The following LIN7A variants were observed in gnomAD, a reference collection of about 807,000 sequenced individuals.
LIN7A encodes the protein protein lin-7 homolog A.
LIN7A carries 25 observed loss-of-function variants against 29.8 expected under a neutral mutation model. The ratio of observed to expected loss-of-function variants is 0.84; its 90% CI spans 0.61 to 1.17. LIN7A has a LOEUF of 1.17. LIN7A is among the 50% of genes most tolerant of loss of function. The pLI, the probability that LIN7A is intolerant of heterozygous loss-of-function variation, is 0.00. For missense variants in LIN7A, 239 were observed against 287.0 expected (o/e 0.83, Z 1.21); for synonymous variants, 118 against 107.5 (o/e 1.10, Z -0.60).
At chr12:80,935,835 A>C in intron 1 of LIN7A, 1 of 481,250 alleles carries the variant, frequency 2.1e-6, no homozygotes, top group Admixed American at 2.0e-5. Flanking sequence ...GAACAAGAGC[A>C]AACTTTAAAA....
chr12:80,854,042 C>T (rs539964706), intron 2 of LIN7A, among the ~76,000 whole-genome samples: 2 of 152,234 alleles, frequency 1.3e-5, no homozygotes, highest in Non-Finnish European at 2.9e-5. Context: ...CAAAATGGTA[C>T]AGCTATTTGA....
chr12:80,933,885 T>C (rs1878058881), intron 1 of LIN7A, among the ~76,000 whole-genome samples: 1 of 152,126 alleles, frequency 6.6e-6, no homozygotes, highest in Non-Finnish European at 1.5e-5. Flanking sequence ...CACTTGTAGT[T>C]GTTTATGTGT....
chr12:80,919,136 T>G (rs749502146), intron 1 of LIN7A, among the ~76,000 whole-genome samples: 7 of 152,214 alleles, frequency 4.6e-5, no homozygotes, highest in Non-Finnish European at 8.8e-5. Context: ...CGTTAAGGAA[T>G]GCATGCCGGT....
At chr12:80,902,932 T>C (rs963275775) in intron 1 of LIN7A, among the ~76,000 whole-genome samples, 3 of 151,864 alleles carry the variant, frequency 2.0e-5, no homozygotes, top group African/African-American at 7.2e-5. Flanking sequence ...TGGTGTTATC[T>C]TGTTCCAGTT....
intron 2 of LIN7A, among the ~76,000 whole-genome samples, chr12:80,849,116 G>A (rs1176847552): frequency 6.6e-6 from 1 of 152,098 alleles, no homozygotes; most frequent in Non-Finnish European, 1.5e-5. Context: ...TACTAAAAAG[G>A]CAACAGTGCA....
At chr12:80,889,680 C>T (rs539828478) in intron 1 of LIN7A, among the ~76,000 whole-genome samples, 3 of 152,206 alleles carry the variant, frequency 2.0e-5, no homozygotes, top group Admixed American at 2.0e-4. Flanking sequence ...ACTCCAATAA[C>T]GAAACTAATT....
chr12:80,913,941 A>G (rs532809146), intron 1 of LIN7A, among the ~76,000 whole-genome samples: 1 of 152,312 alleles, frequency 6.6e-6, no homozygotes, highest in Admixed American at 6.5e-5. Context: ...CTAACTTAGA[A>G]CACTTTTCAT....
intron 5 of LIN7A, among the ~76,000 whole-genome samples, chr12:80,807,544 A>G (rs1565884229): frequency 6.6e-6 from 1 of 152,260 alleles, no homozygotes; most frequent in Admixed American, 6.5e-5. Flanking sequence ...CTTTCAAAAT[A>G]CTTGCACAAT....
chr12:80,811,498 C>CTGCTGCTGT lies in LIN7A; in HGVS notation c.660_668dup (p.Gln224_Gln226dup), dbSNP rs769700398. 1 of 1,575,970 alleles carries CTGCTGCTGT rather than the reference C, an allele frequency of 6.3e-7. No individual in the cohort carries two copies. Among genetic ancestry groups the CTGCTGCTGT allele is most frequent in the Non-Finnish European group, 8.7e-7 (1 of 1,152,010 alleles). ...TGTGGTTTTGTTGTGTTTGTTGCTG[C>CTGCTGCTGT]TGCTGCTGTTGCTGCTGCTGAATTA... On this transcript the variant is annotated inframe_insertion, in exon 5 of 6. Transcript: ENST00000552864.
chr12:80,878,655 C>T (rs567611137), intron 2 of LIN7A, among the ~76,000 whole-genome samples: 17 of 152,286 alleles, frequency 1.1e-4, no homozygotes, highest in Admixed American at 4.6e-4. Flanking sequence ...CTTTTATTCC[C>T]TTATTTGTCC....
intron 2 of LIN7A, among the ~76,000 whole-genome samples, chr12:80,854,485 CCAAAAAAA>C (rs1440394922): frequency 1.7e-3 from 62 of 37,110 alleles, no homozygotes; most frequent in Non-Finnish European, 2.7e-3. Flanking sequence ...TGTTGCTAAG[CCAAAAAAA>C]AAAAAAAAAA....
At chr12:80,831,487 C>T (rs1033827116) in intron 4 of LIN7A, among the ~76,000 whole-genome samples, 3 of 152,228 alleles carry the variant, frequency 2.0e-5, no homozygotes, top group Admixed American at 2.0e-4. Context: ...AATAGACATA[C>T]TAAAAGTTGC....
chr12:80,922,971 G>T (rs984995116), intron 1 of LIN7A, among the ~76,000 whole-genome samples: 3 of 152,060 alleles, frequency 2.0e-5, no homozygotes, highest in East Asian at 3.9e-4. Flanking sequence ...TTGCATAAGT[G>T]GGGGGCACTA....
At chr12:80,872,400 CAAGAT>C (rs1449365954) in intron 2 of LIN7A, among the ~76,000 whole-genome samples, 4 of 152,086 alleles carry the variant, frequency 2.6e-5, no homozygotes, top group Non-Finnish European at 5.9e-5. Context: ...TTATGCTTGA[CAAGAT>C]ATTTTTCATG....
intron 1 of LIN7A, among the ~76,000 whole-genome samples, chr12:80,902,462 C>T (rs1294994610): frequency 1.4e-5 from 1 of 72,086 alleles, no homozygotes; most frequent in Admixed American, 1.1e-4. Context: ...GACACTATGG[C>T]TATTTTTATA....
intron 4 of LIN7A, among the ~76,000 whole-genome samples, chr12:80,824,696 A>C (rs551258017): frequency 1.3e-5 from 2 of 152,218 alleles, no homozygotes; most frequent in African/African-American, 2.4e-5. Flanking sequence ...TCAGGGATGC[A>C]GGGATGGTTT....
intron 4 of LIN7A, among the ~76,000 whole-genome samples, chr12:80,834,277 G>A (rs889113700): frequency 1.3e-5 from 2 of 152,108 alleles, no homozygotes; most frequent in African/African-American, 4.8e-5. Context: ...TACAGATTTT[G>A]ACTTCAGGAT....
At chr12:80,849,856 A>C (rs948776572) in intron 2 of LIN7A, among the ~76,000 whole-genome samples, 1 of 152,108 alleles carries the variant, frequency 6.6e-6, no homozygotes, top group African/African-American at 2.4e-5. Flanking sequence ...TGTCTCCTCT[A>C]TTAAATGTTT....
rs1160280600 is a variant in LIN7A, at chr12:80,798,245, G to T, written c.*1-519C>A. On this transcript the variant is annotated intron_variant, in intron 5 of 5. Transcript: ENST00000552864. ...ATTACCTCTATGGTCAGAGTTTGGG[G>T]AGCAGTCTTGCCAGATACTACCCCC... Among the ~76,000 whole-genome samples the T allele has an allele frequency of 3.3e-5, 5 of 152,238 alleles. No homozygotes were observed. In the South Asian group the frequency reaches 1.0e-3, roughly 32 times the overall value.
Sources: allele counts gnomAD v4.1 joint callset (sites outside exome capture counted in the v4.1 genomes callset), GRCh38; gene constraint gnomAD v4.1.1; transcripts MANE v1.5; gene names NCBI Gene and HGNC (gene_info 2026-07-23, HGNC 2026-07-21).